Variants in ANO4 observed in about 807,000 individuals in gnomAD.
ANO4 encodes the protein anoctamin-4.
A neutral mutation model predicts 141.9 loss-of-function variants in ANO4; 69 were observed. The ratio of observed to expected loss-of-function variants is 0.49; its 90% CI spans 0.40 to 0.59. The LOEUF is 0.59. ANO4 is among the 20% of genes least tolerant of loss of function. The pLI, the probability that ANO4 is intolerant of heterozygous loss-of-function variation, is 0.00. For synonymous variants in ANO4, 350 were observed against 394.3 expected, an observed-to-expected ratio of 0.89 and a Z score of 1.33; for missense variants, 894 against 1,162.2, an observed-to-expected ratio of 0.77 and a Z score of 3.36.
chr12:100,912,006 A>C (rs1252339543), intron 2 of ANO4, among the ~76,000 whole-genome samples: 1 of 152,194 alleles, frequency 6.6e-6, no homozygotes, highest in Admixed American at 6.5e-5. Context: ...TGTGAGGTGG[A>C]ATTATGCCTA....
chr12:100,881,415 G>T (rs201942837), intron 1 of ANO4, among the ~76,000 whole-genome samples: 2 of 104,000 alleles, frequency 1.9e-5, no homozygotes, highest in Non-Finnish European at 2.3e-5. Context: ...TAATAAAACT[G>T]TTTTTATCTT....
At chr12:100,831,695 A>G (rs1216126407) in intron 1 of ANO4, among the ~76,000 whole-genome samples, 6 of 152,116 alleles carry the variant, frequency 3.9e-5, no homozygotes, top group African/African-American at 1.4e-4. Context: ...TTCTAGCTTC[A>G]TTAGGTTGTG....
At chr12:100,839,169 C>G (rs954169124) in intron 1 of ANO4, among the ~76,000 whole-genome samples, 2 of 152,132 alleles carry the variant, frequency 1.3e-5, no homozygotes, top group East Asian at 3.9e-4. Flanking sequence ...TTCTGCTGGC[C>G]AGGCCGTAAT....
chr12:101,103,742 A>G (rs1435061743), intron 22 of ANO4, among the ~76,000 whole-genome samples: 1 of 151,804 alleles, frequency 6.6e-6, no homozygotes, highest in Admixed American at 6.6e-5. Flanking sequence ...CATTTTTATG[A>G]TAGCCCTTTA....
intron 7 of ANO4, among the ~76,000 whole-genome samples, chr12:100,976,670 A>T (rs2044208981): frequency 6.6e-6 from 1 of 152,166 alleles, no homozygotes; most frequent in Non-Finnish European, 1.5e-5. Context: ...TGGTCACGGG[A>T]CGATGTTTTG....
At chr12:100,988,037 C>T (rs927071461) in intron 8 of ANO4, among the ~76,000 whole-genome samples, 4 of 152,278 alleles carry the variant, frequency 2.6e-5, no homozygotes, top group Non-Finnish European at 5.9e-5. Flanking sequence ...GAGGAGTGGC[C>T]TACACCTTTT....
intron 3 of ANO4, among the ~76,000 whole-genome samples, chr12:100,777,703 T>A (rs978675591): frequency 5.9e-5 from 9 of 152,200 alleles, no homozygotes; most frequent in African/African-American, 2.2e-4. Flanking sequence ...ATAAATTTAA[T>A]CTTCATCTTT....
intron 7 of ANO4, among the ~76,000 whole-genome samples, chr12:100,986,855 G>A (rs2044729867): frequency 1.3e-5 from 2 of 152,160 alleles, no homozygotes; most frequent in Non-Finnish European, 2.9e-5. Context: ...GATAGCCAGA[G>A]AGAAAACTGT....
At chr12:100,950,380 A>C (rs760732853) in intron 5 of ANO4, among the ~76,000 whole-genome samples, 1 of 152,238 alleles carries the variant, frequency 6.6e-6, no homozygotes, top group Non-Finnish European at 1.5e-5. Context: ...TAACCAAAGA[A>C]GGAAGAAAGC....
chr12:101,103,474 G>C (rs2050292183), intron 22 of ANO4, among the ~76,000 whole-genome samples: 1 of 151,154 alleles, frequency 6.6e-6, no homozygotes, highest in African/African-American at 2.4e-5. Flanking sequence ...TCATTTTTCT[G>C]AATCTATTGA....
intron 22 of ANO4, among the ~76,000 whole-genome samples, chr12:101,106,651 A>G (rs2050457764): frequency 6.7e-6 from 1 of 150,364 alleles, no homozygotes; most frequent in Non-Finnish European, 1.5e-5. Flanking sequence ...CTATGAAGGG[A>G]GAGGAAACCA....
At chr12:101,038,762 C>T (rs1375296961) in intron 10 of ANO4, 2 of 152,028 alleles carry the variant, frequency 1.3e-5, no homozygotes, top group African/African-American at 4.8e-5. Flanking sequence ...TTCTCCTAGC[C>T]CTGTGTTCTT....
At chr12:101,022,579 A>T (rs694121) in intron 9 of ANO4, among the ~76,000 whole-genome samples, 75,564 of 151,934 alleles carry the variant, frequency 0.5, 19,090 homozygotes, top group African/African-American at 0.56. Context: ...CCTTTTTACG[A>T]ACTTTTTTCA....
In ANO4 at chr12:100,901,899, C is replaced by T. The variant is rs942242252; in HGVS notation, c.55+59C>T. 12 of 1,424,474 alleles carry T rather than the reference C, an allele frequency of 8.4e-6. No homozygotes were observed. The African/African-American group carries it at 1.3e-4, about 15-fold the overall frequency. 88.2% of individuals were successfully genotyped at this position (1,424,474 alleles called of 1,614,324 possible). On this transcript the variant is annotated intron_variant, in intron 2 of 27. Coordinates refer to ENST00000392977, the MANE Select transcript of ANO4 (RefSeq NM_001286615.2). ...TCAGTAGCAACCTGACCACAGTCTG[C>T]ATTATATTTTTATTGTGTAAATATG...
At chr12:100,918,121 G>A (rs1415449740) in intron 2 of ANO4, among the ~76,000 whole-genome samples, 1 of 152,164 alleles carries the variant, frequency 6.6e-6, no homozygotes, top group Non-Finnish European at 1.5e-5. Flanking sequence ...GTGGTCAAGA[G>A]TTTAAAATCA....
At chr12:100,865,502 T>C (rs971258798) in intron 1 of ANO4, among the ~76,000 whole-genome samples, 2 of 152,114 alleles carry the variant, frequency 1.3e-5, no homozygotes, top group Admixed American at 1.3e-4. Context: ...GCGAAGGATA[T>C]GAACAGACAC....
chr12:100,821,414 AT>A (rs2036045358), intron 1 of ANO4, among the ~76,000 whole-genome samples: 1 of 152,008 alleles, frequency 6.6e-6, no homozygotes, highest in South Asian at 2.1e-4. Context: ...AAAGCAATAT[AT>A]GGTTATTATT....
chr12:100,738,463 G>A (rs946843433), intron 2 of ANO4, among the ~76,000 whole-genome samples: 2 of 152,114 alleles, frequency 1.3e-5, no homozygotes, highest in African/African-American at 4.8e-5. Context: ...CAGAGTAAAT[G>A]ATGTAGAAAT....
chr12:101,116,846 C>CCGTGGGG (rs775826722), intron 25 of ANO4, 48 bp downstream of exon 25: 1 of 1,612,696 alleles, frequency 6.2e-7, no homozygotes, highest in African/African-American at 1.3e-5. Context: ...GCTGGCTCCA[C>CCGTGGGG]CGTGGGGAGG....
Sources: gnomAD v4.1 joint callset for allele counts (sites outside exome capture counted in the v4.1 genomes callset) on GRCh38, gnomAD v4.1.1 for gene constraint, MANE v1.5 for transcripts, NCBI Gene and HGNC (gene_info 2026-07-23, HGNC 2026-07-21) for gene names.